CDC14B: variants seen among roughly 807,000 people sequenced by gnomAD.
CDC14B encodes the protein dual specificity protein phosphatase CDC14B.
In CDC14B, 22 loss-of-function variants were observed where a neutral mutation model predicts 64.2. That is an observed-to-expected ratio of 0.34 (90% CI 0.24 to 0.49). CDC14B has a LOEUF of 0.49. Ranked by LOEUF, CDC14B falls within the 20% of genes least tolerant of loss-of-function variation. CDC14B has a pLI of 0.99. For missense variants in CDC14B, 498 were observed against 629.9 expected (o/e 0.79, Z 2.24); for synonymous variants, 191 against 215.8 (o/e 0.89, Z 1.01).
chr9:96,512,916 C>A (rs1289023354), intron 12 of CDC14B, among the ~76,000 whole-genome samples: 1 of 151,760 alleles, frequency 6.6e-6, no homozygotes, highest in African/African-American at 2.4e-5. Flanking sequence ...GTACAGACAA[C>A]AATCACACTG....
intron 1 of CDC14B, among the ~76,000 whole-genome samples, chr9:96,590,171 C>T (rs1416511608): frequency 1.3e-5 from 2 of 152,244 alleles, no homozygotes; most frequent in East Asian, 3.9e-4. Flanking sequence ...GTCCTGGAAA[C>T]CACCATTCTA....
chr9:96,521,612 C>T (rs1167990881), intron 12 of CDC14B, among the ~76,000 whole-genome samples: 1 of 152,122 alleles, frequency 6.6e-6, no homozygotes, highest in Non-Finnish European at 1.5e-5. Context: ...TATGACGAGA[C>T]ACTAGTGAGG....
At position 96,500,295 on chromosome 9, in the gene CDC14B, ACATT is replaced by A. The variant is rs1204109059; in HGVS notation, c.*3454_*3457del. 6.5e-6 allele frequency: 1 copy of A among 152,726 alleles called. No individual in the cohort carries two copies. The highest frequency in any genetic ancestry group is 1.5e-5 in the Non-Finnish European group (1 of 68,032). 9.5% of individuals were successfully genotyped at this position (152,726 alleles called of 1,614,324 possible). On this transcript the variant is annotated 3_prime_UTR_variant, in exon 14 of 14. Transcript: ENST00000375241. ...CTTAAAAATACCTTCAGGAAAATAA[ACATT>A]CATTCAACCAGTTCTCTTGGCTTTA...
intron 1 of CDC14B, among the ~76,000 whole-genome samples, chr9:96,613,405 C>T (rs560269330): frequency 6.6e-6 from 1 of 152,352 alleles, no homozygotes; most frequent in Middle Eastern, 3.4e-3. Context: ...TGACTGGCAA[C>T]TCCCTGGCAT....
Position 96,502,943 on chromosome 9 carries a change from A to G in CDC14B, c.*810T>C. On this transcript the variant is annotated 3_prime_UTR_variant, in exon 14 of 14. Transcript: ENST00000375241. ...GTGTTTCTTCCATTCATGGAAGGAA[A>G]TATGATTTTAATTTGTATGACTGGC... 1 of 398,494 alleles carries G rather than the reference A, an allele frequency of 2.5e-6. No homozygotes were observed. The allele number at this position is 398,494 out of a possible 1,614,324, so 24.7% of individuals were successfully genotyped here.
rs1218934953 is a variant in CDC14B, at chr9:96,509,581, A to G, written c.1460+92T>C. ...CATCACAGAGACTCTACTTTCTCCTAATTTCATGTCAGTCTCCAGAGGTAG... is the reference window on the plus strand; with the variant it reads ...CATCACAGAGACTCTACTTTCTCCTGATTTCATGTCAGTCTCCAGAGGTAG... On this transcript the variant is annotated intron_variant, in intron 13 of 13. Transcript: ENST00000375241. 3.4e-5 allele frequency: 27 copies of G among 786,096 alleles called. 1 individual carries two copies. The highest frequency in any genetic ancestry group is 2.3e-6 in the Non-Finnish European group (1 of 443,258). 48.7% of individuals were successfully genotyped at this position (786,096 alleles called of 1,614,324 possible). A position where few individuals can be genotyped will look rare whatever the true frequency, so the allele number is the denominator to read the frequency against.
At chr9:96,574,937 C>G (rs1014894614) in intron 1 of CDC14B, among the ~76,000 whole-genome samples, 12 of 152,180 alleles carry the variant, frequency 7.9e-5, no homozygotes, top group African/African-American at 2.9e-4. Flanking sequence ...GCCTAACTAT[C>G]CTTCCTGCTC....
At chr9:96,558,979 T>C (rs1842825109) in intron 4 of CDC14B, among the ~76,000 whole-genome samples, 1 of 152,206 alleles carries the variant, frequency 6.6e-6, no homozygotes, top group Non-Finnish European at 1.5e-5. Context: ...CCAGGCCACA[T>C]GAAGAGCAAT....
At chr9:96,580,498 T>C (rs1010865075) in intron 1 of CDC14B, among the ~76,000 whole-genome samples, 1 of 152,216 alleles carries the variant, frequency 6.6e-6, no homozygotes, top group African/African-American at 2.4e-5. Context: ...CTGAAAGTGC[T>C]GGGATTACAG....
At chr9:96,611,360 G>C (rs974060736) in intron 1 of CDC14B, among the ~76,000 whole-genome samples, 1 of 152,162 alleles carries the variant, frequency 6.6e-6, no homozygotes, top group Non-Finnish European at 1.5e-5. Context: ...GAACCAGTCT[G>C]TTTGTCTCTA....
intron 1 of CDC14B, among the ~76,000 whole-genome samples, chr9:96,588,141 G>A (rs7027967): frequency 0.058 from 8,843 of 152,170 alleles, 862 homozygotes; most frequent in African/African-American, 0.2. Context: ...GGGTCCAGGG[G>A]AGGGGGCAGG....
intron 12 of CDC14B, among the ~76,000 whole-genome samples, chr9:96,510,149 T>C (rs1260071317): frequency 2.6e-5 from 4 of 152,174 alleles, no homozygotes; most frequent in Admixed American, 6.5e-5. Flanking sequence ...CAAGACACCA[T>C]TAAGAGCTCA....
At position 96,590,650 on chromosome 9, in the gene CDC14B, GT is replaced by G. The variant is rs111524053; in HGVS notation, c.161-25168del. Among the ~76,000 whole-genome samples the G allele has an allele frequency of 4.6e-3, 642 of 140,740 alleles. 2 individuals carry two copies. Among genetic ancestry groups the G allele is most frequent in the African/African-American group, 0.012 (456 of 38,990 alleles). 92.3% of individuals were successfully genotyped at this position (140,740 alleles called of 152,430 possible). ...CATCCTCGCCAACATTTATTTCCTGGTTTTTTTTTTTTTTCCTTTGACAGCA... is the reference window on the plus strand; with the variant it reads ...CATCCTCGCCAACATTTATTTCCTGGTTTTTTTTTTTTTCCTTTGACAGCA... On this transcript the variant is annotated intron_variant, in intron 1 of 13. Transcript: ENST00000375241.
rs889111766 is a variant in CDC14B at position 96,593,887 on chromosome 9, T to C, written c.160+25332A>G. Among the ~76,000 whole-genome samples, 8 of 152,140 alleles carry C rather than the reference T, an allele frequency of 5.3e-5. No individual in the cohort carries two copies. In the South Asian group the frequency reaches 1.7e-3, roughly 32 times the overall value. ...AACCAGATGTCATGTAAATAAATGG[T>C]ATTAGGTAGCCATCTGAAAAGATAA... On this transcript the variant is annotated intron_variant, in intron 1 of 13. Transcript: ENST00000375241.
intron 1 of CDC14B, among the ~76,000 whole-genome samples, chr9:96,571,415 C>T (rs142400102): frequency 0.015 from 2,232 of 152,204 alleles, 23 homozygotes; most frequent in Non-Finnish European, 0.022. Context: ...ACCTCGTGAT[C>T]CGCCCGCCTC....
At chr9:96,547,556 G>A (rs528767150) in intron 5 of CDC14B, among the ~76,000 whole-genome samples, 95 of 151,974 alleles carry the variant, frequency 6.3e-4, no homozygotes, top group African/African-American at 2.2e-3. Context: ...TAGGCTTGAG[G>A]GATCCTCCTG....
chr9:96,548,796 G>A (rs113086164), intron 5 of CDC14B, among the ~76,000 whole-genome samples: 14 of 148,118 alleles, frequency 9.5e-5, no homozygotes, highest in Non-Finnish European at 1.8e-4. Context: ...GCAAGAATCT[G>A]TCTTTAAAAA....
intron 4 of CDC14B, among the ~76,000 whole-genome samples, chr9:96,552,345 T>C (rs542175019): frequency 5.4e-4 from 82 of 152,296 alleles, no homozygotes; most frequent in African/African-American, 1.9e-3. Flanking sequence ...ACTGAACAAG[T>C]TGATTATCAA....
rs758372459 is a variant in CDC14B at position 96,562,788 on chromosome 9, G to T, written c.328-3C>A. The T allele has an allele frequency of 8.4e-6, 13 of 1,553,776 alleles. No homozygotes were observed. Among genetic ancestry groups the T allele is most frequent in the Non-Finnish European group, 1.1e-5 (13 of 1,132,372 alleles). On this transcript the variant is annotated splice_region_variant and splice_polypyrimidine_tract_variant and intron_variant, in intron 3 of 13. Coordinates refer to ENST00000375241, the MANE Select transcript of CDC14B (RefSeq NM_033331.4). ...TTCTTCCTTAACATTGTAATGGACT[G>T]CATAAAAATAAATAACTGTTAGCAT... is the stretch of plus-strand genomic sequence containing the variant.
Sources: allele counts gnomAD v4.1 joint callset (sites outside exome capture counted in the v4.1 genomes callset), GRCh38; gene constraint gnomAD v4.1.1; transcripts MANE v1.5; gene names NCBI Gene and HGNC (gene_info 2026-07-23, HGNC 2026-07-21).